The following UTP18 variants were observed in gnomAD, a reference collection of about 807,000 sequenced individuals.
UTP18 encodes the protein UTP18 small subunit processome component, also known as U3 small nucleolar RNA-associated protein 18 homolog.
UTP18 carries 36 observed loss-of-function variants against 61.1 expected under a neutral mutation model. That is an observed-to-expected ratio of 0.59 (90% CI 0.45 to 0.78). The LOEUF (loss-of-function observed/expected upper bound fraction) is 0.78, where lower values mean the gene tolerates loss of function less well. UTP18 is among the 30% of genes least tolerant of loss of function. UTP18 has a pLI of 0.00. For missense variants in UTP18, 753 were observed against 693.9 expected, an observed-to-expected ratio of 1.09 and a Z score of -0.96; for synonymous variants, 282 against 251.1, an observed-to-expected ratio of 1.12 and a Z score of -1.16.
At chr17:51,289,058 T>G (rs1021347344) in intron 11 of UTP18, among the ~76,000 whole-genome samples, 2 of 152,222 alleles carry the variant, frequency 1.3e-5, no homozygotes, top group Admixed American at 1.3e-4. Flanking sequence ...TAAACCACAT[T>G]GTTTGTACAA....
At chr17:51,272,402 A>G (rs370396250) in intron 4 of UTP18, among the ~76,000 whole-genome samples, 1 of 152,138 alleles carries the variant, frequency 6.6e-6, no homozygotes, top group African/African-American at 2.4e-5. Context: ...CCTGGCCTGA[A>G]CATAGTATTT....
chr17:51,264,077 C>T (rs977386433), intron 2 of UTP18, among the ~76,000 whole-genome samples: 3 of 151,002 alleles, frequency 2.0e-5, no homozygotes, highest in Non-Finnish European at 4.4e-5. Flanking sequence ...TGCTGTTTCA[C>T]CTAGGCTGGA....
At chr17:51,265,441 T>C (rs1198893140) in intron 2 of UTP18, among the ~76,000 whole-genome samples, 1 of 151,602 alleles carries the variant, frequency 6.6e-6, no homozygotes, top group Non-Finnish European at 1.5e-5. Flanking sequence ...TTTTGTGTTT[T>C]TAGTAGAGGC....
chr17:51,272,801 C>T (rs1212974119), intron 4 of UTP18, among the ~76,000 whole-genome samples: 1 of 152,168 alleles, frequency 6.6e-6, no homozygotes, highest in Non-Finnish European at 1.5e-5. Context: ...GCTAGTTTTT[C>T]CCTTCTTAGC....
At chr17:51,288,989 C>A (rs1199229827) in intron 11 of UTP18, among the ~76,000 whole-genome samples, 1 of 152,068 alleles carries the variant, frequency 6.6e-6, no homozygotes, top group Non-Finnish European at 1.5e-5. Flanking sequence ...TATAGGGTAC[C>A]CTCTGCCTAG....
intron 11 of UTP18, among the ~76,000 whole-genome samples, chr17:51,292,609 C>G (rs916647797): frequency 1.3e-5 from 2 of 152,230 alleles, no homozygotes; most frequent in African/African-American, 4.8e-5. Context: ...AACTGCCCAG[C>G]TGAATGATAA....
intron 2 of UTP18, 136 bp downstream of exon 2, chr17:51,263,522 T>C (rs962630649): frequency 1.4e-6 from 1 of 709,684 alleles, no homozygotes; most frequent in Non-Finnish European, 2.3e-6. Context: ...GAAAAGATCT[T>C]TCATGGTTCC....
chr17:51,293,828 T>G, intron 11 of UTP18, 75 bp from the exon 12 acceptor site: 2 of 1,256,838 alleles, frequency 1.6e-6, no homozygotes, highest in Non-Finnish European at 2.1e-6. Flanking sequence ...AGCAGGAAGA[T>G]AGAGTGAAGA....
At chr17:51,273,284 AT>A (rs1904591124) in intron 4 of UTP18, 77 bp from the exon 5 acceptor site, 2 of 1,035,160 alleles carry the variant, frequency 1.9e-6, no homozygotes, top group Admixed American at 2.6e-5. Context: ...TTGAAAATAT[AT>A]TCATAGAAGT....
rs367882219 is a variant in UTP18 at position 51,280,485 on chromosome 17, A to C, written c.1204+6A>C. The stretch of plus-strand genomic sequence containing the variant: ...GAAAGTATACGCCTCTTCGGGTAAG[A>C]CAACGACATGAAAGAAGCTAAGGAT... On this transcript the variant is annotated splice_donor_region_variant and intron_variant, in intron 9 of 13. Coordinates refer to ENST00000225298, the MANE Select transcript of UTP18 (RefSeq NM_016001.3). 81 of 1,613,530 alleles carry C rather than the reference A, an allele frequency of 5.0e-5. No homozygotes were observed. The African/African-American group carries it at 8.9e-4, about 18-fold the overall frequency.
intron 2 of UTP18, among the ~76,000 whole-genome samples, 169 bp from the exon 3 acceptor site, chr17:51,266,013 C>CT (rs2055556958): frequency 6.6e-6 from 1 of 152,178 alleles, no homozygotes; most frequent in African/African-American, 2.4e-5. Context: ...TTGGCAACTA[C>CT]TTTTTTGTTC....
chr17:51,260,551 A>C lies in UTP18; in HGVS notation c.-34A>C, dbSNP rs771128021. On this transcript the variant is annotated 5_prime_UTR_variant, in exon 1 of 14. Coordinates refer to ENST00000225298, the MANE Select transcript of UTP18 (RefSeq NM_016001.3). ...CTGGGCGCATGCGCAGCGAGGTTCC[A>C]CGTGAGCGCCTGCGTTTCTCCTCAA... 7 of 1,592,200 alleles carry C rather than the reference A, an allele frequency of 4.4e-6. No homozygotes were observed. The highest frequency in any genetic ancestry group is 8.5e-7 in the Non-Finnish European group (1 of 1,171,302).
intron 1 of UTP18, among the ~76,000 whole-genome samples, chr17:51,261,219 T>C (rs1026011357): frequency 2.0e-5 from 3 of 152,226 alleles, no homozygotes; most frequent in African/African-American, 7.2e-5. Context: ...GCTGCTCGAC[T>C]CCGCTAGCCT....
At chr17:51,286,337 A>G in intron 10 of UTP18, 1 of 372,820 alleles carries the variant, frequency 2.7e-6, no homozygotes, top group African/African-American at 2.1e-5. Context: ...AACTTCAAGA[A>G]GTAGGTTTTT....
intron 9 of UTP18, among the ~76,000 whole-genome samples, chr17:51,281,668 G>C (rs1356532636): frequency 6.6e-6 from 1 of 152,158 alleles, no homozygotes; most frequent in African/African-American, 2.4e-5. Flanking sequence ...GACTGTATCA[G>C]TGTCACTATC....
chr17:51,263,660 T>C (rs1279331223), intron 2 of UTP18, among the ~76,000 whole-genome samples: 1 of 152,202 alleles, frequency 6.6e-6, no homozygotes, highest in Non-Finnish European at 1.5e-5. Flanking sequence ...GCCTCCTCTT[T>C]TGGCCAGTTT....
intron 5 of UTP18, among the ~76,000 whole-genome samples, chr17:51,273,767 A>C (rs1234794846): frequency 6.6e-6 from 1 of 151,518 alleles, no homozygotes. Flanking sequence ...ATAAATAAAT[A>C]AATAAATTTT....
chr17:51,281,733 G>A (rs1904933629), intron 9 of UTP18, among the ~76,000 whole-genome samples: 1 of 152,102 alleles, frequency 6.6e-6, no homozygotes, highest in African/African-American at 2.4e-5. Context: ...GGGGGGAACT[G>A]GTAAAGTAAA....
chr17:51,290,517 AT>A (rs1905214181), intron 11 of UTP18, among the ~76,000 whole-genome samples: 1 of 152,222 alleles, frequency 6.6e-6, no homozygotes, highest in Non-Finnish European at 1.5e-5. Context: ...CATTTGATAA[AT>A]GAGAAGGTTC....
Sources: allele counts gnomAD v4.1 joint callset (sites outside exome capture counted in the v4.1 genomes callset), GRCh38; gene constraint gnomAD v4.1.1; transcripts MANE v1.5; gene names NCBI Gene and HGNC (gene_info 2026-07-23, HGNC 2026-07-21).